Variants in DCAF6 observed in about 807,000 individuals in gnomAD.
DCAF6 encodes DDB1- and CUL4-associated factor 6.
In DCAF6, 54 loss-of-function variants were observed where a neutral mutation model predicts 125.1. The ratio of observed to expected loss-of-function variants is 0.43; its 90% confidence interval spans 0.35 to 0.54. The LOEUF is 0.54. Ranked by LOEUF, DCAF6 falls within the 20% of genes least tolerant of loss-of-function variation. The probability of loss-of-function intolerance (pLI) is 0.01; values close to 1 mark genes in which losing one functional copy is unlikely to be tolerated. For synonymous variants in DCAF6, 371 were observed against 390.4 expected (o/e 0.95, Z 0.58); for missense variants, 934 against 1,161.7 (o/e 0.80, Z 2.85).
chr1:167,901,622 T>C, the DCAF6 span: 17 of 1,605,068 alleles, frequency 1.1e-5, no homozygotes, highest in South Asian at 1.8e-4. Flanking sequence ...CAAGACCCTA[T>C]CCCAGCTGCC....
At chr1:168,016,012 G>T in intron 11 of DCAF6, 61 bp downstream of exon 11, 1 of 1,293,794 alleles carries the variant, frequency 7.7e-7, no homozygotes, top group Non-Finnish European at 1.0e-6. Flanking sequence ...CTGCTACTGT[G>T]TAATAAGGTG....
At chr1:167,925,442 CATATATATATATATATATATAT>C in the DCAF6 span, among the ~76,000 whole-genome samples, 23 of 82,478 alleles carry the variant, frequency 2.8e-4, no homozygotes, top group East Asian at 2.1e-3. Flanking sequence ...TACATATACA[CATATATATATATATATATATAT>C]ATATATATAT....
At chr1:167,886,235 G>A in the DCAF6 span, among the ~76,000 whole-genome samples, 1 of 152,158 alleles carries the variant, frequency 6.6e-6, no homozygotes, top group Non-Finnish European at 1.5e-5. Flanking sequence ...AGCCTGCATT[G>A]TCAAGATAAT....
chr1:167,993,405 C>T lies in DCAF6; in HGVS notation c.868C>T (p.Leu290Phe). ...CCCGAAAGATGATACAGCACGAGAA[C>T]TTAAAACTCCTTCTGCGGAAGAGAG... ...FDPKDDTARE[L>F]KTPSAEERRE... Residue 290 changes from leucine (L) to phenylalanine (F), a missense_variant, in exon 7 of 22, where the codon CTT becomes TTT. Around this residue, in one of 5 missense-constraint regions of DCAF6, gnomAD observed 309 missense variants for 381.2 expected, o/e 0.81. Transcript: ENST00000367840. 6.2e-7 allele frequency: 1 copy of T among 1,613,886 alleles called. No homozygotes were observed. The highest frequency in any genetic ancestry group is 8.5e-7 in the Non-Finnish European group (1 of 1,179,844).
intron 4 of DCAF6, among the ~76,000 whole-genome samples, chr1:167,985,098 A>G (rs374661904): frequency 6.0e-4 from 92 of 152,214 alleles, no homozygotes; most frequent in East Asian, 1.7e-3. Context: ...ACCTGCCCAC[A>G]TGATTCAGTT....
the DCAF6 span, among the ~76,000 whole-genome samples, chr1:167,891,423 G>T: frequency 2.0e-5 from 3 of 151,806 alleles, no homozygotes; most frequent in Non-Finnish European, 2.9e-5. Flanking sequence ...TTGGGAGGCT[G>T]AGGCGGGAAG....
At chr1:168,017,388 T>C (rs1462185586) in intron 11 of DCAF6, among the ~76,000 whole-genome samples, 14 of 152,172 alleles carry the variant, frequency 9.2e-5, no homozygotes, top group Admixed American at 5.2e-4. Flanking sequence ...ATTAAAATGA[T>C]CTTGAGTATA....
intron 1 of DCAF6, among the ~76,000 whole-genome samples, chr1:167,938,451 A>C (rs756405386): frequency 6.6e-6 from 1 of 152,208 alleles, no homozygotes; most frequent in Non-Finnish European, 1.5e-5. Context: ...TTCTTCTTTA[A>C]GTAGACGTTC....
chr1:167,884,599 T>C, the DCAF6 span, among the ~76,000 whole-genome samples: 2 of 152,134 alleles, frequency 1.3e-5, no homozygotes, highest in Non-Finnish European at 2.9e-5. Flanking sequence ...TTTGTACTCA[T>C]TGACCACCCC....
At chr1:168,037,040 T>C (rs535081116) in intron 12 of DCAF6, among the ~76,000 whole-genome samples, 4 of 152,154 alleles carry the variant, frequency 2.6e-5, no homozygotes, top group African/African-American at 9.6e-5. Flanking sequence ...GTATTTGAAG[T>C]CTTGTTAATT....
intron 1 of DCAF6, among the ~76,000 whole-genome samples, chr1:167,938,691 A>G (rs188188354): frequency 6.6e-6 from 1 of 152,238 alleles, no homozygotes; most frequent in African/African-American, 2.4e-5. Flanking sequence ...GCATGGATAC[A>G]TTTATAATTT....
rs1382594910 is a variant in DCAF6, at chr1:168,003,862, T to G, written c.998-8T>G. 2.5e-6 allele frequency: 4 copies of G among 1,607,494 alleles called. No homozygotes were observed. Among genetic ancestry groups the G allele is most frequent in the Non-Finnish European group, 3.4e-6 (4 of 1,177,006 alleles). ...CTAAACTCACTGATAAGACCTATAT[T>G]GTAATAGGAGAGCAGAGTCCCAATG... On this transcript the variant is annotated splice_polypyrimidine_tract_variant and splice_region_variant and intron_variant, in intron 8 of 21. Transcript: ENST00000367840.
upstream of DCAF6, among the ~76,000 whole-genome samples, chr1:167,934,472 A>AT (rs551003489): frequency 2.6e-3 from 392 of 152,352 alleles, 2 homozygotes; most frequent in African/African-American, 8.5e-3. Context: ...ACTAAAAGGC[A>AT]AATAAACAAA....
intron 7 of DCAF6, among the ~76,000 whole-genome samples, chr1:167,996,504 C>G (rs922601550): frequency 8.5e-5 from 13 of 152,108 alleles, no homozygotes; most frequent in African/African-American, 3.1e-4. Context: ...ATTTTGCTAG[C>G]TTTCTAACCA....
At chr1:167,877,978 A>G in the DCAF6 span, among the ~76,000 whole-genome samples, 1 of 152,232 alleles carries the variant, frequency 6.6e-6, no homozygotes, top group Non-Finnish European at 1.5e-5. Flanking sequence ...AAGCCATTGA[A>G]GGATTTTAAG....
Position 168,043,177 on chromosome 1 carries a change from C to T in DCAF6, c.1843+37C>T, listed in dbSNP as rs1407328974. On this transcript the variant is annotated intron_variant, in intron 14 of 21. Transcript: ENST00000367840. The stretch of plus-strand genomic sequence containing the variant: ...TTTTGCTTTTGTTGTTATAAAATTG[C>T]AGCATTGGATGTTTATCTACTTTCC... 2.7e-6 allele frequency: 4 copies of T among 1,455,998 alleles called. No individual in the cohort carries two copies. The East Asian group carries it at 9.1e-5, about 33-fold the overall frequency. The allele number at this position is 1,455,998 out of a possible 1,614,324, so 90.2% of individuals were successfully genotyped here.
At chr1:167,889,334 T>A in the DCAF6 span, among the ~76,000 whole-genome samples, 1 of 152,204 alleles carries the variant, frequency 6.6e-6, no homozygotes, top group Non-Finnish European at 1.5e-5. Context: ...GAAATGATAA[T>A]ATGGTTTTTG....
chr1:168,069,134 T>G (rs1372929056), intron 21 of DCAF6, among the ~76,000 whole-genome samples: 1 of 152,166 alleles, frequency 6.6e-6, no homozygotes, highest in Non-Finnish European at 1.5e-5. Context: ...TTTCACAGCT[T>G]TATCCTCATT....
the DCAF6 span, among the ~76,000 whole-genome samples, chr1:167,888,811 G>A: frequency 6.7e-6 from 1 of 150,094 alleles, no homozygotes. Context: ...GGGAGGCGGA[G>A]CGTGCAGTGA....
Sources: gnomAD v4.1 joint callset for allele counts (sites outside exome capture counted in the v4.1 genomes callset) on GRCh38, gnomAD v4.1.1 for gene constraint, gnomAD v4.1.1 regional missense constraint, MANE v1.5 for transcripts, NCBI Gene and HGNC (gene_info 2026-07-23, HGNC 2026-07-21) for gene names.